Variants in GRM1 observed in about 807,000 individuals in gnomAD.
The protein encoded by GRM1 is glutamate metabotropic receptor 1.
GRM1 carries 33 observed loss-of-function variants against 90.9 expected under a neutral mutation model. The observed-to-expected ratio is 0.36, with a 90% CI of 0.28 to 0.49. GRM1 has a LOEUF of 0.49. GRM1 is among the 20% of genes least tolerant of loss of function. The probability of loss-of-function intolerance (pLI) is 0.99; values close to 1 mark genes in which losing one functional copy is unlikely to be tolerated. For synonymous variants in GRM1, 700 were observed against 613.2 expected (o/e 1.14, Z -2.09); for missense variants, 1,190 against 1,534.3 (o/e 0.78, Z 3.75).
intron 6 of GRM1, among the ~76,000 whole-genome samples, chr6:146,393,394 G>T (rs981397907): frequency 9.9e-5 from 15 of 151,790 alleles, no homozygotes; most frequent in African/African-American, 3.6e-4. Flanking sequence ...ATTTTTTCTT[G>T]TAAATTAAAG....
At chr6:146,202,813 T>A (rs763693792) in intron 2 of GRM1, among the ~76,000 whole-genome samples, 1 of 152,202 alleles carries the variant, frequency 6.6e-6, no homozygotes, top group Non-Finnish European at 1.5e-5. Context: ...AGCAGAAAAC[T>A]TTTTAAAAAT....
At chr6:146,345,701 T>TA (rs1359387594) in intron 3 of GRM1, among the ~76,000 whole-genome samples, 1 of 151,730 alleles carries the variant, frequency 6.6e-6, no homozygotes, top group Non-Finnish European at 1.5e-5. Context: ...GAGGTGGTGC[T>TA]ATGAGCATAG....
intron 3 of GRM1, among the ~76,000 whole-genome samples, chr6:146,325,146 T>A (rs146279158): frequency 3.4e-4 from 52 of 152,348 alleles, no homozygotes; most frequent in African/African-American, 1.1e-3. Context: ...CAGGCATTAC[T>A]GTCCTGAGTT....
chr6:146,219,550 A>G (rs1306890351), intron 2 of GRM1, among the ~76,000 whole-genome samples: 1 of 152,198 alleles, frequency 6.6e-6, no homozygotes, highest in African/African-American at 2.4e-5. Context: ...CACTTAAAAA[A>G]AAAGGGGGAG....
chr6:146,431,640 G>T (rs1472255285), intron 7 of GRM1, among the ~76,000 whole-genome samples: 1 of 152,082 alleles, frequency 6.6e-6, no homozygotes, highest in Non-Finnish European at 1.5e-5. Flanking sequence ...ATAGATACAG[G>T]ATAACATTTT....
chr6:146,215,612 A>AT (rs1779842321), intron 2 of GRM1, among the ~76,000 whole-genome samples: 1 of 151,518 alleles, frequency 6.6e-6, no homozygotes, highest in African/African-American at 2.4e-5. Flanking sequence ...TATTTCTGAT[A>AT]TTTTAAAAAT....
At chr6:146,285,907 C>T (rs113352227) in intron 2 of GRM1, among the ~76,000 whole-genome samples, 29 of 152,246 alleles carry the variant, frequency 1.9e-4, no homozygotes, top group African/African-American at 6.5e-4. Flanking sequence ...ATTGGATATG[C>T]ATATTTCATA....
At chr6:146,262,889 C>A (rs1781753092) in intron 2 of GRM1, among the ~76,000 whole-genome samples, 1 of 151,684 alleles carries the variant, frequency 6.6e-6, no homozygotes, top group African/African-American at 2.4e-5. Context: ...TAAACAAAGG[C>A]AAATTAAATA....
intron 5 of GRM1, among the ~76,000 whole-genome samples, chr6:146,373,255 C>T (rs1003812835): frequency 1.3e-5 from 2 of 152,040 alleles, no homozygotes; most frequent in African/African-American, 4.8e-5. Flanking sequence ...AAAGAACTAC[C>T]TGCCACTGGG....
Position 146,396,212 on chromosome 6 carries a change from C to T in GRM1, c.1730-2557C>T, listed in dbSNP as rs362929. The stretch of plus-strand genomic sequence containing the variant: ...TGACTTTATATAGGAAGAATAAGTT[C>T]TTCCAGAAAAAGGTTTGTATTTAGA... On this transcript the variant is annotated intron_variant, in intron 6 of 7. Coordinates refer to ENST00000282753, the MANE Select transcript of GRM1 (RefSeq NM_001278064.2). Among the ~76,000 whole-genome samples, 106 of 152,082 alleles carry T rather than the reference C, an allele frequency of 7.0e-4. No individual in the cohort carries two copies. The East Asian group carries it at 0.016, about 23-fold the overall frequency.
At position 146,117,564 on chromosome 6, in the gene GRM1, C is replaced by T. The variant is rs566273791; in HGVS notation, c.701-41784C>T. Among the ~76,000 whole-genome samples, 13 of 151,992 alleles carry T rather than the reference C, an allele frequency of 8.6e-5. 1 individual carries two copies. In the South Asian group the frequency reaches 2.1e-3, roughly 24 times the overall value. ...ACTTCTATATTTTATTTTCTTTTTG[C>T]ACTTTCATTTTATGACTTCTTTTTT... On this transcript the variant is annotated intron_variant, in intron 1 of 7. Coordinates refer to ENST00000282753, the MANE Select transcript of GRM1 (RefSeq NM_001278064.2).
intron 7 of GRM1, among the ~76,000 whole-genome samples, chr6:146,409,739 G>T (rs1777490953): frequency 6.6e-6 from 1 of 152,058 alleles, no homozygotes; most frequent in South Asian, 2.1e-4. Flanking sequence ...AACAAAAAAT[G>T]TACCTATAAT....
intron 5 of GRM1, among the ~76,000 whole-genome samples, chr6:146,384,763 A>G (rs1353420472): frequency 6.6e-6 from 1 of 152,126 alleles, no homozygotes; most frequent in Non-Finnish European, 1.5e-5. Flanking sequence ...AAGATTTAAA[A>G]GAAGACATAA....
intron 6 of GRM1, among the ~76,000 whole-genome samples, chr6:146,392,762 A>T (rs1161013438): frequency 6.6e-6 from 1 of 152,038 alleles, no homozygotes; most frequent in Non-Finnish European, 1.5e-5. Context: ...TTCAGCTCTC[A>T]CTTATGAGTG....
intron 7 of GRM1, among the ~76,000 whole-genome samples, chr6:146,428,056 T>C (rs1477572834): frequency 6.6e-6 from 1 of 152,152 alleles, no homozygotes; most frequent in Non-Finnish European, 1.5e-5. Flanking sequence ...AAAAATAAAG[T>C]AACAGTCAGC....
intron 1 of GRM1, among the ~76,000 whole-genome samples, chr6:146,137,738 G>A (rs1562486511): frequency 6.6e-6 from 1 of 152,070 alleles, no homozygotes; most frequent in Non-Finnish European, 1.5e-5. Flanking sequence ...TTTATAGATT[G>A]CTTTGGGTAT....
chr6:146,343,658 T>TTTATTATTATTA (rs58070198), intron 3 of GRM1, among the ~76,000 whole-genome samples: 1,910 of 148,418 alleles, frequency 0.013, 49 homozygotes, highest in African/African-American at 0.043. Flanking sequence ...GTTGTTTTTA[T>TTTATTATTATTA]TTATTATTAT....
At chr6:146,043,106 C>G (rs1223576648) in intron 1 of GRM1, among the ~76,000 whole-genome samples, 1 of 151,638 alleles carries the variant, frequency 6.6e-6, no homozygotes, top group Admixed American at 6.6e-5. Context: ...CCAGCCTGAG[C>G]AATATAGCAA....
At chr6:146,030,546 G>C (rs1790669086) in intron 1 of GRM1, among the ~76,000 whole-genome samples, 1 of 152,200 alleles carries the variant, frequency 6.6e-6, no homozygotes, top group Non-Finnish European at 1.5e-5. Flanking sequence ...ATTTGTCCAA[G>C]GTGTTATATT....
Sources: allele counts gnomAD v4.1 joint callset (sites outside exome capture counted in the v4.1 genomes callset), GRCh38; gene constraint gnomAD v4.1.1; transcripts MANE v1.5; gene names NCBI Gene and HGNC (gene_info 2026-07-23, HGNC 2026-07-21).